The following PIP4P2 variants were observed in gnomAD, a reference collection of about 807,000 sequenced individuals.
PIP4P2 encodes the protein phosphatidylinositol-4,5-bisphosphate 4-phosphatase 2.
Under a neutral mutation model 33.3 loss-of-function variants are expected in PIP4P2, and 19 were observed. The observed-to-expected ratio is 0.57, with a 90% CI of 0.40 to 0.84. PIP4P2 has a LOEUF of 0.84. PIP4P2 is among the 40% of genes least tolerant of loss of function. The pLI is 0.00. For missense variants in PIP4P2, 270 were observed against 324.7 expected (o/e 0.83, Z 1.29); for synonymous variants, 110 against 111.9 (o/e 0.98, Z 0.11).
At chr8:91,018,767 T>C (rs1811956504) in intron 3 of PIP4P2, 1 of 350,612 alleles carries the variant, frequency 2.9e-6, no homozygotes, top group South Asian at 4.8e-5. Context: ...TAACTGTCAT[T>C]TCCAAGTTTT....
chr8:91,012,512 C>T (rs566053994), intron 4 of PIP4P2, among the ~76,000 whole-genome samples: 3 of 152,130 alleles, frequency 2.0e-5, no homozygotes, highest in East Asian at 3.9e-4. Context: ...TCTCATTAAT[C>T]CAAAACTCTC....
In PIP4P2 at chr8:91,004,005, AGATAGAT is replaced by A. The variant is rs1351583657; in HGVS notation, c.539+4731_539+4737del. Among the ~76,000 whole-genome samples the A allele has an allele frequency of 4.2e-4, 62 of 146,520 alleles. 3 individuals carry two copies. The highest frequency in any genetic ancestry group is 1.5e-5 in the Non-Finnish European group (1 of 65,938). ...TAGATAGATAGATAGATAGATAGAT[AGATAGAT>A]GAAATAGATAAGAGGCAATTTATCA... On this transcript the variant is annotated intron_variant, in intron 5 of 6. Transcript: ENST00000285419.
intron 3 of PIP4P2, 185 bp from the exon 4 acceptor site, chr8:91,018,698 T>C: frequency 1.4e-6 from 1 of 717,336 alleles, no homozygotes; most frequent in Non-Finnish European, 2.2e-6. Context: ...AAAATATGAG[T>C]CTGTACTTGG....
chr8:90,999,154 A>G (rs544078253), intron 5 of PIP4P2, among the ~76,000 whole-genome samples: 8 of 152,240 alleles, frequency 5.3e-5, no homozygotes, highest in Admixed American at 3.9e-4. Flanking sequence ...CAACAATTCT[A>G]TGAAAAGAAG....
chr8:91,032,676 G>T (rs866750773), intron 1 of PIP4P2, among the ~76,000 whole-genome samples: 1 of 151,634 alleles, frequency 6.6e-6, no homozygotes, highest in Non-Finnish European at 1.5e-5. Flanking sequence ...ATCTACTTGG[G>T]AGGCTGAGGA....
chr8:91,007,217 G>C (rs1811775260), intron 5 of PIP4P2, among the ~76,000 whole-genome samples: 1 of 152,050 alleles, frequency 6.6e-6, no homozygotes, highest in African/African-American at 2.4e-5. Flanking sequence ...TCCATGTACA[G>C]ACTTCTATTG....
Position 90,994,146 on chromosome 8 carries a change from G to A in PIP4P2, c.*1531C>T. 6.6e-6 allele frequency: 1 copy of A among 152,054 alleles called. No individual in the cohort carries two copies. Among genetic ancestry groups the A allele is most frequent in the East Asian group, 1.9e-4 (1 of 5,188 alleles). 9.4% of individuals were successfully genotyped at this position (152,054 alleles called of 1,614,324 possible). A position where few individuals can be genotyped will look rare whatever the true frequency, so the allele number is the denominator to read the frequency against. On this transcript the variant is annotated 3_prime_UTR_variant, in exon 7 of 7. Transcript: ENST00000285419. Reference sequence around the variant, plus strand: ...TTAAAAATAAAACCATTTGAAAATAGTACAAAAAACATAAATGAATATTAT... The same window carrying A: ...TTAAAAATAAAACCATTTGAAAATAATACAAAAAACATAAATGAATATTAT...
chr8:91,010,908 A>C (rs1357816005), intron 4 of PIP4P2, among the ~76,000 whole-genome samples: 1 of 151,462 alleles, frequency 6.6e-6, no homozygotes, highest in Non-Finnish European at 1.5e-5. Flanking sequence ...TGTAATGGAT[A>C]AATTGAGTTT....
At chr8:91,029,106 C>T (rs62528333) in intron 1 of PIP4P2, among the ~76,000 whole-genome samples, 7 of 152,012 alleles carry the variant, frequency 4.6e-5, no homozygotes, top group Non-Finnish European at 1.0e-4. Context: ...GCTTGGCCAA[C>T]ATCATGAAAC....
rs1391843766 is a variant in PIP4P2 at position 91,018,525 on chromosome 8, G to C, written c.363-12C>G. On this transcript the variant is annotated splice_polypyrimidine_tract_variant and intron_variant, in intron 3 of 6. Coordinates refer to ENST00000285419, the MANE Select transcript of PIP4P2 (RefSeq NM_018710.3). ...TAATTATCCGTCTACTGTGAAAAGA[G>C]AAAGGAAACAACTTCACTATCCCAC... The C allele has an allele frequency of 1.2e-6, 2 of 1,611,242 alleles. No individual in the cohort carries two copies. The highest frequency in any genetic ancestry group is 1.7e-6 in the Non-Finnish European group (2 of 1,179,210).
intron 3 of PIP4P2, 195 bp from the exon 4 acceptor site, chr8:91,018,708 G>C: frequency 1.5e-6 from 1 of 649,176 alleles, no homozygotes; most frequent in South Asian, 2.0e-5. Context: ...TCTGTACTTG[G>C]GATAGAAACA....
intron 1 of PIP4P2, among the ~76,000 whole-genome samples, chr8:91,022,494 C>T (rs1225961725): frequency 6.6e-6 from 1 of 152,114 alleles, no homozygotes; most frequent in Admixed American, 6.6e-5. Flanking sequence ...AAGACTTTTC[C>T]AAGGTAAAGT....
At chr8:91,035,112 A>T (rs567990564) in intron 1 of PIP4P2, among the ~76,000 whole-genome samples, 1 of 152,342 alleles carries the variant, frequency 6.6e-6, no homozygotes, top group Admixed American at 6.5e-5. Context: ...CTACTCACTG[A>T]AAACATTTTC....
intron 1 of PIP4P2, among the ~76,000 whole-genome samples, chr8:91,039,872 C>CT (rs1240301906): frequency 6.6e-6 from 1 of 152,000 alleles, no homozygotes; most frequent in Non-Finnish European, 1.5e-5. Flanking sequence ...TGCATTTAAT[C>CT]TTTTTTTATT....
chr8:91,028,455 A>T (rs952004628), intron 1 of PIP4P2, among the ~76,000 whole-genome samples: 1 of 152,236 alleles, frequency 6.6e-6, no homozygotes, highest in Non-Finnish European at 1.5e-5. Flanking sequence ...GTGGTTAAAC[A>T]GTGCTAATTC....
intron 1 of PIP4P2, among the ~76,000 whole-genome samples, chr8:91,022,116 T>C (rs1475660863): frequency 6.6e-6 from 1 of 152,010 alleles, no homozygotes; most frequent in East Asian, 1.9e-4. Flanking sequence ...GTATGTGGGA[T>C]TAAAAACTTC....
chr8:91,024,557 G>T (rs1016751157), intron 1 of PIP4P2, among the ~76,000 whole-genome samples: 1 of 152,088 alleles, frequency 6.6e-6, no homozygotes, highest in East Asian at 1.9e-4. Context: ...CTCGGTAGCT[G>T]GGAATACAGG....
At chr8:91,005,217 C>T (rs1047537075) in intron 5 of PIP4P2, among the ~76,000 whole-genome samples, 1 of 152,098 alleles carries the variant, frequency 6.6e-6, no homozygotes, top group Non-Finnish European at 1.5e-5. Context: ...GTTCTACAGC[C>T]TCTCAGAAAT....
chr8:91,036,410 T>C (rs535166023), intron 1 of PIP4P2, among the ~76,000 whole-genome samples: 1 of 152,332 alleles, frequency 6.6e-6, no homozygotes, highest in African/African-American at 2.4e-5. Context: ...GTGTTCTCCG[T>C]CTTCTGGTGT....
Sources: gnomAD v4.1 joint callset for allele counts (sites outside exome capture counted in the v4.1 genomes callset) on GRCh38, gnomAD v4.1.1 for gene constraint, MANE v1.5 for transcripts, NCBI Gene and HGNC (gene_info 2026-07-23, HGNC 2026-07-21) for gene names.